The following MDGA1 variants were observed in gnomAD, a reference collection of about 807,000 sequenced individuals.
MDGA1 encodes MAM domain containing glycosylphosphatidylinositol anchor 1, also known as MAM domain-containing glycosylphosphatidylinositol anchor protein 1.
MDGA1 carries 54 observed loss-of-function variants against 101.5 expected under a neutral mutation model. That is an observed-to-expected ratio of 0.53 (90% CI 0.43 to 0.67). MDGA1 has a LOEUF of 0.67. Among genes scored for constraint, MDGA1 ranks in the 30% least tolerant of loss-of-function variants. The pLI is 0.00. For missense variants in MDGA1, 1,083 were observed against 1,323.8 expected (o/e 0.82, Z 2.82); for synonymous variants, 533 against 558.3 (o/e 0.95, Z 0.64).
Position 37,644,618 on chromosome 6 carries a change from G to A in MDGA1, c.2280C>T (p.Ile760=), listed in dbSNP as rs1276753345. 1.2e-6 allele frequency: 2 copies of A among 1,600,180 alleles called. No homozygotes were observed. Among genetic ancestry groups the A allele is most frequent in the African/African-American group, 2.7e-5 (2 of 74,210 alleles). The change falls in exon 13 of 17, where the codon ATC becomes ATT. Residue 760 remains isoleucine (I), a synonymous_variant. Transcript: ENST00000434837. ...CTGTCAGGTCCTGGGTATAGCCACA[G>A]ATCTTCTCATCCTCAAAGTGGCAGG... ...DNTCHFEDEK[I]CGYTQDLTDN... is the part of the protein sequence containing the mutation.
chr6:37,650,888 A>G (rs1362353318), intron 7 of MDGA1, among the ~76,000 whole-genome samples: 2 of 152,238 alleles, frequency 1.3e-5, no homozygotes, highest in East Asian at 3.8e-4. Flanking sequence ...AAAAGAGTAC[A>G]TCTCCCAGCC....
intron 1 of MDGA1, among the ~76,000 whole-genome samples, chr6:37,664,600 T>TACACATACACACACACACACAC (rs1761701116): frequency 8.5e-6 from 1 of 118,140 alleles, no homozygotes; most frequent in South Asian, 3.0e-4. Flanking sequence ...TCCCCCACAA[T>TACACATACACACACACACACAC]ACACACACAC....
chr6:37,643,289 T>C (rs954127283), intron 14 of MDGA1: 7 of 152,438 alleles, frequency 4.6e-5, no homozygotes, highest in African/African-American at 1.7e-4. Context: ...TTTTTTTTTT[T>C]GAAATGGAGT....
chr6:37,652,417 C>T lies in MDGA1; in HGVS notation c.983-77G>A. On this transcript the variant is annotated intron_variant, in intron 6 of 16. Coordinates refer to ENST00000434837, the MANE Select transcript of MDGA1 (RefSeq NM_153487.4). The surrounding 1 kb of genome is among the most constrained non-coding windows in gnomAD (Gnocchi z 4.3). The stretch of plus-strand genomic sequence containing the variant: ...GTCCATGTCCCACCCCAACCCAGAC[C>T]CAGCTTCTCCCCTCTAGCTGGCCCT... 8.7e-7 allele frequency: 1 copy of T among 1,147,128 alleles called. No homozygotes were observed. The highest frequency in any genetic ancestry group is 1.2e-6 in the Non-Finnish European group (1 of 815,278). 71.1% of individuals were successfully genotyped at this position (1,147,128 alleles called of 1,614,324 possible). A position where few individuals can be genotyped will look rare whatever the true frequency, so the allele number is the denominator to read the frequency against.
rs6910425 is a variant in MDGA1 at position 37,633,151 on chromosome 6, G to T, written c.*4217C>A. ...TCCCTTCTAGTTATAAGGGTCAAGG[G>T]ATCCCCAGGAAAGAGTGGTCCTTCT... On this transcript the variant is annotated 3_prime_UTR_variant, in exon 17 of 17. Coordinates refer to ENST00000434837, the MANE Select transcript of MDGA1 (RefSeq NM_153487.4). The T allele has an allele frequency of 3.3e-5, 5 of 152,218 alleles. No homozygotes were observed. The highest frequency in any genetic ancestry group is 1.2e-4 in the African/African-American group (5 of 41,284). 9.4% of individuals were successfully genotyped at this position (152,218 alleles called of 1,614,324 possible). A position where few individuals can be genotyped will look rare whatever the true frequency, so the allele number is the denominator to read the frequency against.
chr6:37,667,964 A>G (rs1761790339), intron 1 of MDGA1, among the ~76,000 whole-genome samples: 1 of 152,146 alleles, frequency 6.6e-6, no homozygotes, highest in Non-Finnish European at 1.5e-5. Context: ...AAGATTATCC[A>G]GCTCCTGGCC....
Position 37,655,954 on chromosome 6 carries a change from C to G in MDGA1, c.383-58G>C. ...TGGGTGACCCCAAGGTTGGGGGGCT[C>G]AGGCTCCTGGCAGCCCTTAGGAAGA... On this transcript the variant is annotated intron_variant, in intron 3 of 16. Transcript: ENST00000434837. This position sits in a 1 kb window ranked among gnomAD's most constrained non-coding sequence, Gnocchi z 5.1. 6.8e-7 allele frequency: 1 copy of G among 1,462,132 alleles called. No homozygotes were observed. The highest frequency in any genetic ancestry group is 9.2e-7 in the Non-Finnish European group (1 of 1,085,098). The allele number at this position is 1,462,132 out of a possible 1,614,324, so 90.6% of individuals were successfully genotyped here.
At chr6:37,672,263 C>A (rs1761885952) in intron 1 of MDGA1, among the ~76,000 whole-genome samples, 1 of 151,800 alleles carries the variant, frequency 6.6e-6, no homozygotes, top group Admixed American at 6.6e-5. Flanking sequence ...CCAGCCTGGG[C>A]ATCATAGCAA....
intron 1 of MDGA1, among the ~76,000 whole-genome samples, chr6:37,687,191 A>G (rs1762214101): frequency 6.6e-6 from 1 of 152,060 alleles, no homozygotes; most frequent in African/African-American, 2.4e-5. Context: ...CTCCTTGGGG[A>G]CAGATGTCAT....
rs137947306 is a variant in MDGA1, at chr6:37,662,262, G to A, written c.207+1705C>T. Among the ~76,000 whole-genome samples, 10 of 152,022 alleles carry A rather than the reference G, an allele frequency of 6.6e-5. No homozygotes were observed. The East Asian group carries it at 1.9e-3, about 29-fold the overall frequency. On this transcript the variant is annotated intron_variant, in intron 2 of 16. Coordinates refer to ENST00000434837, the MANE Select transcript of MDGA1 (RefSeq NM_153487.4). The stretch of plus-strand genomic sequence containing the variant: ...GTCCAAGCGACAGGACTGATAGGCT[G>A]ACCCAGAGGGGTAATGAAGAAAAGA...
Position 37,664,119 on chromosome 6 carries a change from G to T in MDGA1, c.68-13C>A. ...GCCTGGGCTGGAGCTGGCAGGAGAGGATGGAGGAGGAGGTTTAGAGAAGAG... is the reference window on the plus strand; with the variant it reads ...GCCTGGGCTGGAGCTGGCAGGAGAGTATGGAGGAGGAGGTTTAGAGAAGAG... On this transcript the variant is annotated splice_polypyrimidine_tract_variant and intron_variant, in intron 1 of 16. Transcript: ENST00000434837. 6.2e-7 allele frequency: 1 copy of T among 1,613,748 alleles called. No individual in the cohort carries two copies. Among genetic ancestry groups the T allele is most frequent in the Non-Finnish European group, 8.5e-7 (1 of 1,179,858 alleles).
At position 37,652,981 on chromosome 6, in the gene MDGA1, A is replaced by G. The variant is rs2114026093; in HGVS notation, c.983-641T>C. On this transcript the variant is annotated intron_variant, in intron 6 of 16. Transcript: ENST00000434837. This position sits in a 1 kb window ranked among gnomAD's most constrained non-coding sequence, Gnocchi z 4.3. ...TTTGTAATAAGAGACCAATACGATC[A>G]CTTTACATGCAATTACATGAAAACA... Among the ~76,000 whole-genome samples, 1 of 152,366 alleles carries G rather than the reference A, an allele frequency of 6.6e-6. No homozygotes were observed. Among genetic ancestry groups the G allele is most frequent in the East Asian group, 1.9e-4 (1 of 5,188 alleles).
chr6:37,644,790 T>C (rs1449877002), intron 12 of MDGA1, 141 bp from the exon 13 acceptor site: 9 of 896,406 alleles, frequency 1.0e-5, no homozygotes, highest in Non-Finnish European at 1.4e-5. Flanking sequence ...AGACCAGGCA[T>C]GGGGCCCATA....
chr6:37,692,907 TCC>T (rs919214398), intron 1 of MDGA1, among the ~76,000 whole-genome samples: 11 of 152,254 alleles, frequency 7.2e-5, no homozygotes, highest in African/African-American at 2.4e-4. Context: ...TGAAGCAGAT[TCC>T]CATCCTGTAA....
chr6:37,637,392 G>C lies in MDGA1; in HGVS notation c.2844C>G (p.Ile948Met). The change falls in exon 17 of 17, where the codon ATC (isoleucine) becomes ATG (methionine). Residue 948 changes from isoleucine to methionine, a missense_variant. Ile to Met is a conservative substitution (Grantham distance 10, BLOSUM62 1). Coordinates refer to ENST00000434837, the MANE Select transcript of MDGA1 (RefSeq NM_153487.4). ...SSPQLWGPMA[I>M]FLLALQR is the part of the protein sequence containing the mutation. Reference sequence around the variant, plus strand: ...ATCATCTCTGCAACGCCAAGAGGAAGATGGCCATGGGCCCCCACAGCTGTG... The same window carrying C: ...ATCATCTCTGCAACGCCAAGAGGAACATGGCCATGGGCCCCCACAGCTGTG... 6.2e-7 allele frequency: 1 copy of C among 1,613,716 alleles called. No individual in the cohort carries two copies. Among genetic ancestry groups the C allele is most frequent in the Non-Finnish European group, 8.5e-7 (1 of 1,179,718 alleles).
intron 1 of MDGA1, among the ~76,000 whole-genome samples, chr6:37,667,647 A>G (rs768960212): frequency 9.9e-5 from 15 of 152,226 alleles, no homozygotes; most frequent in Non-Finnish European, 1.9e-4. Context: ...GGTTGCTGAT[A>G]AGACCAAGAG....
intron 7 of MDGA1, 76 bp downstream of exon 7, chr6:37,651,935 T>C (rs1319554075): frequency 7.8e-7 from 1 of 1,283,120 alleles, no homozygotes; most frequent in Admixed American, 2.7e-5. Context: ...TCCCAAGCCG[T>C]TGCCTCCCCA....
rs145837591 is a variant in MDGA1, at chr6:37,666,587, T to C, written c.68-2481A>G. On this transcript the variant is annotated intron_variant, in intron 1 of 16. Transcript: ENST00000434837. ...GTGCAATAATAAAGCAGCAGGCCTG[T>C]GTTTCTGTCAAATTCAGGATTCTTG... Among the ~76,000 whole-genome samples the C allele has an allele frequency of 6.4e-3, 973 of 152,318 alleles. 6 individuals carry two copies. Among genetic ancestry groups the C allele is most frequent in the Middle Eastern group, 0.014 (4 of 294 alleles).
chr6:37,663,113 C>T (rs1761664588), intron 2 of MDGA1, among the ~76,000 whole-genome samples: 1 of 152,166 alleles, frequency 6.6e-6, no homozygotes, highest in African/African-American at 2.4e-5. Flanking sequence ...ATCCAACTGT[C>T]ACCCTTTCTG....
Sources: allele counts gnomAD v4.1 joint callset (sites outside exome capture counted in the v4.1 genomes callset), GRCh38; gene constraint gnomAD v4.1.1; non-coding constraint Gnocchi (gnomAD v3.1); transcripts MANE v1.5; gene names NCBI Gene and HGNC (gene_info 2026-07-23, HGNC 2026-07-21).